Variants in VAV3 observed in about 807,000 individuals in gnomAD.
VAV3 encodes the protein guanine nucleotide exchange factor VAV3.
In VAV3, 94 loss-of-function variants were observed where a neutral mutation model predicts 131.2. That is an observed-to-expected ratio of 0.72 (90% CI 0.61 to 0.85). The LOEUF is 0.85. Among genes scored for constraint, VAV3 ranks in the 40% least tolerant of loss-of-function variants. VAV3 has a pLI of 0.00. For missense variants in VAV3, 939 were observed against 1,002.7 expected (o/e 0.94, Z 0.86); for synonymous variants, 349 against 342.0 (o/e 1.02, Z -0.22).
chr1:107,703,709 C>T (rs748626545), intron 17 of VAV3, among the ~76,000 whole-genome samples: 1 of 152,192 alleles, frequency 6.6e-6, no homozygotes, highest in African/African-American at 2.4e-5. Context: ...CCACCTTTTC[C>T]TTTGGGAAAA....
At chr1:107,790,263 C>T (rs988387754) in intron 2 of VAV3, among the ~76,000 whole-genome samples, 3 of 152,244 alleles carry the variant, frequency 2.0e-5, no homozygotes, top group Admixed American at 6.5e-5. Context: ...ACTGCCTACA[C>T]ACATCAACTG....
chr1:107,880,401 A>T (rs1331036965), intron 1 of VAV3, among the ~76,000 whole-genome samples: 1 of 152,120 alleles, frequency 6.6e-6, no homozygotes, highest in East Asian at 1.9e-4. Context: ...TCTGGACAAG[A>T]GCGCTGACAG....
At chr1:107,912,524 C>T in intron 1 of VAV3, among the ~76,000 whole-genome samples, 1 of 152,170 alleles carries the variant, frequency 6.6e-6, no homozygotes, top group Non-Finnish European at 1.5e-5. Flanking sequence ...AGGACTCTGG[C>T]CTGCTGGGAC....
intron 1 of VAV3, among the ~76,000 whole-genome samples, chr1:107,897,455 A>G (rs1421554756): frequency 6.6e-6 from 1 of 151,822 alleles, no homozygotes; most frequent in African/African-American, 2.4e-5. Flanking sequence ...AGGAGCAACC[A>G]GGACCCAGAA....
intron 2 of VAV3, among the ~76,000 whole-genome samples, chr1:107,842,255 C>T (rs1294622537): frequency 6.6e-6 from 1 of 152,140 alleles, no homozygotes; most frequent in East Asian, 1.9e-4. Flanking sequence ...GAGTCCACTA[C>T]CTTGGACATA....
chr1:107,888,886 C>T (rs1311730387), intron 1 of VAV3, among the ~76,000 whole-genome samples: 1 of 152,082 alleles, frequency 6.6e-6, no homozygotes, highest in Non-Finnish European at 1.5e-5. Flanking sequence ...ACGCACACTC[C>T]TCTGAATTTA....
At chr1:107,582,925 C>T (rs1188189094) in intron 25 of VAV3, among the ~76,000 whole-genome samples, 1 of 152,008 alleles carries the variant, frequency 6.6e-6, no homozygotes, top group Non-Finnish European at 1.5e-5. Flanking sequence ...TGGGTATATA[C>T]CCAGTAATGG....
chr1:107,720,470 G>GTTTGA, intron 15 of VAV3, among the ~76,000 whole-genome samples: 1 of 137,068 alleles, frequency 7.3e-6, no homozygotes, highest in East Asian at 2.2e-4. Context: ...AAAAAAAAAA[G>GTTTGA]GAGTTTGAGA....
Position 107,964,829 on chromosome 1 carries a change from C to A in VAV3, c.41G>T (p.Cys14Phe). 1 of 1,613,538 alleles carries A rather than the reference C, an allele frequency of 6.2e-7. No individual in the cohort carries two copies. Residue 14 changes from cysteine to phenylalanine, a missense_variant, in exon 1 of 27, where the codon TGC becomes TTC. Physicochemically the swap from Cys to Phe is radical, Grantham distance 205 (BLOSUM62 -2). Coordinates refer to ENST00000370056, the MANE Select transcript of VAV3 (RefSeq NM_006113.5). ...CCGGTGGTTGGTGGGCAGCACCTTG[C>A]AATGGATGAGCCACTGCGCGCACTG... ...WKQCAQWLIHCKVLPTNHRVT... is the reference protein window; with the variant it reads ...WKQCAQWLIHFKVLPTNHRVT...
rs576552084 is a variant in VAV3 at position 107,619,009 on chromosome 1, G to A, written c.1915-1377C>T. Among the ~76,000 whole-genome samples the A allele has an allele frequency of 2.6e-5, 4 of 152,242 alleles. No homozygotes were observed. The South Asian group carries it at 8.3e-4, about 32-fold the overall frequency. ...AATATCACAAGGAAACTGATCCCAT[G>A]GTAAGGAAAGGAATTGGAGGGAGAG... is the stretch of plus-strand genomic sequence containing the variant. On this transcript the variant is annotated intron_variant, in intron 20 of 26. Transcript: ENST00000370056.
chr1:107,864,096 T>C (rs1389801004), intron 2 of VAV3, among the ~76,000 whole-genome samples: 1 of 152,192 alleles, frequency 6.6e-6, no homozygotes, highest in East Asian at 1.9e-4. Context: ...TAAGCCTTGA[T>C]GTTTTCAGAG....
intron 1 of VAV3, among the ~76,000 whole-genome samples, chr1:107,890,733 ACCC>A (rs1030778746): frequency 6.6e-6 from 1 of 152,104 alleles, no homozygotes; most frequent in Admixed American, 6.6e-5. Context: ...ATCCTTCTTT[ACCC>A]CCAACTCTAG....
intron 25 of VAV3, among the ~76,000 whole-genome samples, chr1:107,591,843 G>A (rs948057302): frequency 2.0e-5 from 3 of 152,022 alleles, no homozygotes; most frequent in East Asian, 1.9e-4. Context: ...CTCAGCACAC[G>A]TTCCTGAAAA....
At chr1:107,715,796 TCA>T (rs1198135827) in intron 15 of VAV3, among the ~76,000 whole-genome samples, 1 of 152,210 alleles carries the variant, frequency 6.6e-6, no homozygotes, top group East Asian at 1.9e-4. Flanking sequence ...TTGGATTTTC[TCA>T]TTCTCTGGTC....
intron 15 of VAV3, among the ~76,000 whole-genome samples, chr1:107,714,787 C>T (rs1010709306): frequency 1.3e-5 from 2 of 152,066 alleles, no homozygotes; most frequent in Non-Finnish European, 2.9e-5. Context: ...AAATCACGTA[C>T]AGTCTTTTAT....
chr1:107,858,631 C>T (rs1035801734), intron 2 of VAV3, among the ~76,000 whole-genome samples: 2 of 152,166 alleles, frequency 1.3e-5, no homozygotes, highest in Non-Finnish European at 2.9e-5. Flanking sequence ...TTGTGCACTC[C>T]TTGTAAGAAT....
intron 20 of VAV3, among the ~76,000 whole-genome samples, chr1:107,630,234 G>C (rs1318129152): frequency 6.6e-6 from 1 of 152,056 alleles, no homozygotes; most frequent in African/African-American, 2.4e-5. Context: ...GGTTAGAAAC[G>C]GGTTCTCTAG....
intron 19 of VAV3, among the ~76,000 whole-genome samples, chr1:107,654,389 T>A (rs1656390730): frequency 6.6e-6 from 1 of 152,016 alleles, no homozygotes; most frequent in African/African-American, 2.4e-5. Flanking sequence ...ATATTGGAAA[T>A]ATATATTGTC....
Position 107,765,073 on chromosome 1 carries a change from C to A in VAV3, c.921+3G>T. On this transcript the variant is annotated splice_donor_region_variant and intron_variant, in intron 9 of 26. Transcript: ENST00000370056. ...ATGTCATAAACTAAAAATAAATAGG[C>A]ACCTCTAATTTCAGTTTGACATCTT... 1 of 1,603,294 alleles carries A rather than the reference C, an allele frequency of 6.2e-7. No homozygotes were observed. The highest frequency in any genetic ancestry group is 8.5e-7 in the Non-Finnish European group (1 of 1,171,754).
Sources: allele counts gnomAD v4.1 joint callset (sites outside exome capture counted in the v4.1 genomes callset), GRCh38; gene constraint gnomAD v4.1.1; transcripts MANE v1.5; gene names NCBI Gene and HGNC (gene_info 2026-07-23, HGNC 2026-07-21).